RBM20: variants seen among roughly 807,000 people sequenced by gnomAD.
RBM20 encodes RNA-binding protein 20.
A neutral mutation model predicts 110.1 loss-of-function variants in RBM20; 51 were observed. The observed-to-expected ratio is 0.46, with a 90% CI of 0.37 to 0.59. The LOEUF (loss-of-function observed/expected upper bound fraction) is 0.59, where lower values mean the gene tolerates loss of function less well. Among genes scored for constraint, RBM20 ranks in the 20% least tolerant of loss-of-function variants. The pLI is 0.00. For missense variants in RBM20, 1,512 were observed against 1,574.9 expected, an observed-to-expected ratio of 0.96 and a Z score of 0.68; for synonymous variants, 589 against 618.2, an observed-to-expected ratio of 0.95 and a Z score of 0.70.
intron 13 of RBM20, among the ~76,000 whole-genome samples, chr10:110,831,682 A>AAAAAC (rs1554844420): frequency 0.046 from 6,217 of 136,396 alleles, 149 homozygotes; most frequent in Admixed American, 0.066. Context: ...AAAAAAAAAA[A>AAAAAC]AAAAAAAAAC....
At chr10:110,783,610 A>G (rs1844382083) in intron 3 of RBM20, among the ~76,000 whole-genome samples, 183 bp downstream of exon 3, 1 of 152,244 alleles carries the variant, frequency 6.6e-6, no homozygotes, top group South Asian at 2.1e-4. Flanking sequence ...AAAATGAACA[A>G]GAAAATTACA....
chr10:110,810,209 C>A (rs1844746819), intron 7 of RBM20, among the ~76,000 whole-genome samples, 174 bp from the exon 8 acceptor site: 1 of 152,212 alleles, frequency 6.6e-6, no homozygotes, highest in African/African-American at 2.4e-5. Flanking sequence ...CAGCCCCACC[C>A]AGTTCAGCAT....
chr10:110,722,210 G>A (rs1843515509), intron 1 of RBM20, among the ~76,000 whole-genome samples: 1 of 152,180 alleles, frequency 6.6e-6, no homozygotes, highest in African/African-American at 2.4e-5. Flanking sequence ...ATGGGAAGAT[G>A]TATTTCAAGA....
chr10:110,668,408 C>A (rs1862210896), intron 1 of RBM20, among the ~76,000 whole-genome samples: 1 of 152,188 alleles, frequency 6.6e-6, no homozygotes, highest in South Asian at 2.1e-4. Context: ...CCAAACCAAC[C>A]AACCTATGGC....
chr10:110,831,679 A>AC (rs1453361847), intron 13 of RBM20, among the ~76,000 whole-genome samples: 1,880 of 144,844 alleles, frequency 0.013, 31 homozygotes, highest in Non-Finnish European at 0.02. Flanking sequence ...AAAAAAAAAA[A>AC]AAAAAAAAAA....
intron 1 of RBM20, among the ~76,000 whole-genome samples, chr10:110,763,408 T>C (rs964451662): frequency 6.6e-6 from 1 of 152,036 alleles, no homozygotes; most frequent in African/African-American, 2.4e-5. Flanking sequence ...AAAAGGAATA[T>C]ACCCTATTGA....
chr10:110,675,905 G>C (rs756443946), intron 1 of RBM20, among the ~76,000 whole-genome samples: 5 of 152,346 alleles, frequency 3.3e-5, no homozygotes, highest in Admixed American at 1.3e-4. Context: ...AAGCAGGCAG[G>C]AAATGATAGC....
intron 1 of RBM20, among the ~76,000 whole-genome samples, chr10:110,755,733 C>T (rs900134301): frequency 3.9e-5 from 6 of 152,158 alleles, no homozygotes; most frequent in African/African-American, 1.4e-4. Context: ...ACTGGTTGCA[C>T]ATTAACACTG....
At chr10:110,834,335 C>T (rs1487199679) in intron 13 of RBM20, among the ~76,000 whole-genome samples, 1 of 152,172 alleles carries the variant, frequency 6.6e-6, no homozygotes, top group African/African-American at 2.4e-5. Flanking sequence ...AGGCTGCACC[C>T]GTTTCTGGAA....
intron 1 of RBM20, among the ~76,000 whole-genome samples, chr10:110,689,572 T>C (rs1862555773): frequency 6.6e-6 from 1 of 152,242 alleles, no homozygotes. Flanking sequence ...CATGTATAAC[T>C]ATTTTATATC....
intron 1 of RBM20, among the ~76,000 whole-genome samples, chr10:110,686,572 G>C (rs1862508212): frequency 6.6e-6 from 1 of 151,962 alleles, no homozygotes; most frequent in African/African-American, 2.4e-5. Context: ...GCTGCAGTGA[G>C]CTAGGATCCC....
chr10:110,688,336 A>G (rs1158472026), intron 1 of RBM20, among the ~76,000 whole-genome samples: 4 of 152,138 alleles, frequency 2.6e-5, no homozygotes, highest in Non-Finnish European at 5.9e-5. Context: ...TACTCAAGAA[A>G]TGTTCATGTG....
chr10:110,758,306 T>C (rs984186719), intron 1 of RBM20, among the ~76,000 whole-genome samples: 7 of 152,098 alleles, frequency 4.6e-5, no homozygotes, highest in African/African-American at 1.7e-4. Context: ...CGTGAGCCAC[T>C]GTGCCTGCCC....
intron 1 of RBM20, among the ~76,000 whole-genome samples, chr10:110,655,774 C>G (rs7908208): frequency 0.18 from 27,638 of 152,092 alleles, 3,534 homozygotes; most frequent in African/African-American, 0.35. Context: ...AAGGATTGTG[C>G]CTTTTGATCT....
chr10:110,826,266 A>G (rs1010343050), intron 12 of RBM20, among the ~76,000 whole-genome samples: 6 of 152,186 alleles, frequency 3.9e-5, no homozygotes, highest in Non-Finnish European at 8.8e-5. Context: ...TATAATGGAT[A>G]TAAAGTAAGT....
At chr10:110,769,906 A>G (rs1590667128) in intron 1 of RBM20, among the ~76,000 whole-genome samples, 1 of 152,004 alleles carries the variant, frequency 6.6e-6, no homozygotes, top group African/African-American at 2.4e-5. Context: ...TTTTTTAGAG[A>G]CAGAATCTCT....
At chr10:110,718,887 A>T (rs1312345064) in intron 1 of RBM20, among the ~76,000 whole-genome samples, 1 of 152,146 alleles carries the variant, frequency 6.6e-6, no homozygotes, top group African/African-American at 2.4e-5. Flanking sequence ...AAGTGTTGGG[A>T]TTACAGGCAT....
At chr10:110,789,854 C>T (rs2135059458) in intron 5 of RBM20, among the ~76,000 whole-genome samples, 1 of 152,308 alleles carries the variant, frequency 6.6e-6, no homozygotes, top group Non-Finnish European at 1.5e-5. Context: ...ACTGAGTCGT[C>T]ATAAACAGAG....
chr10:110,810,812 T>C (rs1193278162), intron 8 of RBM20, among the ~76,000 whole-genome samples: 2 of 145,610 alleles, frequency 1.4e-5, no homozygotes, highest in South Asian at 2.3e-4. Flanking sequence ...TGTGTGTGTG[T>C]GTGCGTGTGT....
Sources: gnomAD v4.1 joint callset for allele counts (sites outside exome capture counted in the v4.1 genomes callset) on GRCh38, gnomAD v4.1.1 for gene constraint, MANE v1.5 for transcripts, NCBI Gene and HGNC (gene_info 2026-07-23, HGNC 2026-07-21) for gene names.